Variants in DCC observed in about 807,000 individuals in gnomAD.
DCC encodes DCC netrin 1 receptor, also known as netrin receptor DCC.
In DCC, 58 loss-of-function variants were observed where a neutral mutation model predicts 172.5. The observed-to-expected ratio is 0.34, with a 90% CI of 0.27 to 0.42. DCC has a LOEUF of 0.42. Ranked by LOEUF, DCC falls within the 10% of genes least tolerant of loss-of-function variation. DCC has a pLI of 1.00. For missense variants in DCC, 1,740 were observed against 1,791.0 expected, an observed-to-expected ratio of 0.97 and a Z score of 0.51; for synonymous variants, 709 against 644.5, an observed-to-expected ratio of 1.10 and a Z score of -1.52.
chr18:52,502,851 G>A (rs936265086), intron 1 of DCC, among the ~76,000 whole-genome samples: 5 of 152,160 alleles, frequency 3.3e-5, no homozygotes, highest in Admixed American at 1.3e-4. Flanking sequence ...CAGTGACATC[G>A]TGGGAGAATT....
chr18:53,493,981 T>G (rs910669776), intron 26 of DCC, among the ~76,000 whole-genome samples: 3 of 152,250 alleles, frequency 2.0e-5, no homozygotes, highest in African/African-American at 7.2e-5. Context: ...TAACTTTCCC[T>G]GTACACACTG....
chr18:53,084,692 T>C (rs2042854315), intron 7 of DCC, among the ~76,000 whole-genome samples: 1 of 152,178 alleles, frequency 6.6e-6, no homozygotes, highest in Admixed American at 6.5e-5. Flanking sequence ...AATTCATCTT[T>C]AGAGCCTGCA....
chr18:52,475,269 A>C (rs932672423), intron 1 of DCC, among the ~76,000 whole-genome samples: 1 of 152,236 alleles, frequency 6.6e-6, no homozygotes, highest in Non-Finnish European at 1.5e-5. Flanking sequence ...AAACACTCAA[A>C]TTCAGTAGGC....
At chr18:53,107,125 C>G (rs974625140) in intron 7 of DCC, among the ~76,000 whole-genome samples, 3 of 151,714 alleles carry the variant, frequency 2.0e-5, no homozygotes, top group Non-Finnish European at 4.4e-5. Context: ...GAGAATGCAG[C>G]CCAGTAGATC....
chr18:52,440,782 G>T (rs1190600073), intron 1 of DCC, among the ~76,000 whole-genome samples: 1 of 152,150 alleles, frequency 6.6e-6, no homozygotes, highest in Non-Finnish European at 1.5e-5. Flanking sequence ...GTGCAGATTT[G>T]TGCCAATCAG....
chr18:53,016,476 G>C (rs1599030995), intron 5 of DCC, among the ~76,000 whole-genome samples: 2 of 152,050 alleles, frequency 1.3e-5, no homozygotes, highest in Admixed American at 1.3e-4. Context: ...ATGTCCTTGA[G>C]AATTATGGTC....
intron 1 of DCC, among the ~76,000 whole-genome samples, chr18:52,344,301 C>G (rs1476734129): frequency 6.6e-6 from 1 of 152,086 alleles, no homozygotes; most frequent in Non-Finnish European, 1.5e-5. Flanking sequence ...AGTATGGTTT[C>G]CTAAACCAAT....
intron 1 of DCC, among the ~76,000 whole-genome samples, chr18:52,745,294 A>T (rs1043271213): frequency 1.3e-5 from 2 of 152,208 alleles, no homozygotes; most frequent in East Asian, 3.9e-4. Context: ...ATGAAAAGTC[A>T]TGGCAAGATA....
intron 1 of DCC, among the ~76,000 whole-genome samples, chr18:52,459,081 G>T (rs576206899): frequency 6.6e-6 from 1 of 152,090 alleles, no homozygotes; most frequent in East Asian, 1.9e-4. Context: ...GGTACAAAAG[G>T]TTCATAACAT....
intron 12 of DCC, among the ~76,000 whole-genome samples, chr18:53,254,075 A>T (rs1484445677): frequency 6.6e-6 from 1 of 152,100 alleles, no homozygotes; most frequent in Non-Finnish European, 1.5e-5. Flanking sequence ...CTAATGAGCC[A>T]AGGGATGTTT....
chr18:53,111,266 G>A (rs1299769988), intron 7 of DCC, among the ~76,000 whole-genome samples: 2 of 99,716 alleles, frequency 2.0e-5, no homozygotes, highest in Non-Finnish European at 3.9e-5. Flanking sequence ...GGGGGAGGGG[G>A]GAGGGATAGC....
chr18:53,154,038 G>A (rs1433320602), intron 7 of DCC, among the ~76,000 whole-genome samples: 1 of 152,176 alleles, frequency 6.6e-6, no homozygotes, highest in Admixed American at 6.5e-5. Context: ...CTGCCCGAAG[G>A]TATTTTCTGT....
intron 1 of DCC, among the ~76,000 whole-genome samples, chr18:52,519,422 A>G (rs994022562): frequency 3.3e-5 from 5 of 152,168 alleles, no homozygotes; most frequent in African/African-American, 7.2e-5. Context: ...ATGGATGCTT[A>G]TGTGTAGATT....
intron 1 of DCC, among the ~76,000 whole-genome samples, chr18:52,484,158 T>C (rs1356142047): frequency 6.6e-6 from 1 of 152,112 alleles, no homozygotes; most frequent in African/African-American, 2.4e-5. Flanking sequence ...CTTCTGGCAA[T>C]GGGACTTTTT....
intron 1 of DCC, among the ~76,000 whole-genome samples, chr18:52,366,496 A>G (rs917995867): frequency 5.3e-5 from 8 of 152,126 alleles, no homozygotes; most frequent in African/African-American, 9.7e-5. Flanking sequence ...ACAATCCCTG[A>G]GCTAGATACA....
chr18:53,141,337 A>C (rs979295605), intron 7 of DCC, among the ~76,000 whole-genome samples: 2 of 152,230 alleles, frequency 1.3e-5, no homozygotes, highest in Non-Finnish European at 2.9e-5. Flanking sequence ...TTTCTGAGCC[A>C]ATACGTATGA....
intron 1 of DCC, among the ~76,000 whole-genome samples, chr18:52,441,182 T>C (rs1987959299): frequency 1.3e-5 from 2 of 152,190 alleles, no homozygotes; most frequent in Non-Finnish European, 2.9e-5. Context: ...GCTGAAGTTA[T>C]GAGAGATGTT....
At chr18:53,038,329 A>G (rs1317779176) in intron 5 of DCC, among the ~76,000 whole-genome samples, 3 of 151,836 alleles carry the variant, frequency 2.0e-5, no homozygotes, top group Non-Finnish European at 4.4e-5. Context: ...ATAAAATATC[A>G]TAAACGGAGT....
At chr18:52,625,348 G>A (rs563471937) in intron 1 of DCC, among the ~76,000 whole-genome samples, 39 of 152,188 alleles carry the variant, frequency 2.6e-4, no homozygotes, top group South Asian at 4.2e-4. Flanking sequence ...TGTAACCGCC[G>A]TATTGATTCA....
Sources: gnomAD v4.1 joint callset for allele counts (sites outside exome capture counted in the v4.1 genomes callset) on GRCh38, gnomAD v4.1.1 for gene constraint, MANE v1.5 for transcripts, NCBI Gene and HGNC (gene_info 2026-07-23, HGNC 2026-07-21) for gene names.